NID1: variants seen among roughly 807,000 people sequenced by gnomAD.
The protein encoded by NID1 is nidogen-1.
In NID1, 76 loss-of-function variants were observed where a neutral mutation model predicts 130.6. The observed-to-expected ratio is 0.58, with a 90% confidence interval of 0.48 to 0.70. The LOEUF (loss-of-function observed/expected upper bound fraction) is 0.70. Among genes scored for constraint, NID1 ranks in the 30% least tolerant of loss-of-function variants. The pLI is 0.00. For synonymous variants in NID1, 665 were observed against 675.1 expected (o/e 0.98, Z 0.23); for missense variants, 1,517 against 1,664.8 (o/e 0.91, Z 1.54).
chr1:235,993,529 C>G, intron 13 of NID1, 116 bp downstream of exon 13: 1 of 936,324 alleles, frequency 1.1e-6, no homozygotes, highest in Non-Finnish European at 1.5e-6. Flanking sequence ...GGGGCTGGAG[C>G]CAGTGGAACA....
intron 9 of NID1, among the ~76,000 whole-genome samples, chr1:236,020,815 G>A (rs539794687): frequency 5.3e-5 from 8 of 152,274 alleles, no homozygotes; most frequent in Non-Finnish European, 7.4e-5. Context: ...GAATACACTC[G>A]CATTCCACGG....
At chr1:236,040,067 T>C (rs1164917556) in intron 4 of NID1, among the ~76,000 whole-genome samples, 1 of 152,174 alleles carries the variant, frequency 6.6e-6, no homozygotes, top group East Asian at 1.9e-4. Context: ...CTGCCCCAAG[T>C]TGTTGGGCTG....
intron 1 of NID1, among the ~76,000 whole-genome samples, chr1:236,051,706 G>T (rs568012212): frequency 6.6e-6 from 1 of 152,338 alleles, no homozygotes; most frequent in South Asian, 2.1e-4. Context: ...TGCCGTGTGG[G>T]AGCGTGGGAA....
chr1:236,061,939 G>A (rs1438801951), intron 1 of NID1, among the ~76,000 whole-genome samples: 1 of 152,178 alleles, frequency 6.6e-6, no homozygotes, highest in African/African-American at 2.4e-5. Context: ...TGTTGGTGAG[G>A]ACGTCGAGAA....
chr1:235,993,337 G>A (rs1657814044), intron 13 of NID1, among the ~76,000 whole-genome samples: 2 of 152,160 alleles, frequency 1.3e-5, no homozygotes, highest in South Asian at 2.1e-4. Flanking sequence ...ACACACAGCC[G>A]CTCTGCTACC....
chr1:236,058,296 T>A (rs1227269579), intron 1 of NID1, among the ~76,000 whole-genome samples: 1 of 152,216 alleles, frequency 6.6e-6, no homozygotes, highest in Non-Finnish European at 1.5e-5. Context: ...TTCAGCTCAC[T>A]ATGTGGCTAG....
At chr1:236,001,675 T>A (rs1241772295) in intron 12 of NID1, among the ~76,000 whole-genome samples, 1 of 152,162 alleles carries the variant, frequency 6.6e-6, no homozygotes, top group African/African-American at 2.4e-5. Context: ...ACCCCCATTC[T>A]CACAGGGCTA....
At chr1:235,978,438 G>A (rs1657337653) in intron 19 of NID1, among the ~76,000 whole-genome samples, 1 of 152,202 alleles carries the variant, frequency 6.6e-6, no homozygotes, top group South Asian at 2.1e-4. Context: ...GGGCCAGGCT[G>A]CCTGGACTTG....
chr1:236,061,353 C>T (rs770122457), intron 1 of NID1, among the ~76,000 whole-genome samples: 3 of 152,214 alleles, frequency 2.0e-5, no homozygotes, highest in Non-Finnish European at 2.9e-5. Flanking sequence ...ATCTCCTTAA[C>T]ACCAGGTATT....
At chr1:235,985,192 C>CA (rs35290130) in intron 15 of NID1, among the ~76,000 whole-genome samples, 187 bp downstream of exon 15, 87 of 122,304 alleles carry the variant, frequency 7.1e-4, no homozygotes, top group South Asian at 7.5e-4. Context: ...GACTCTGTCT[C>CA]AAAAAAAAAA....
chr1:236,035,544 T>C (rs1659230533), intron 5 of NID1, among the ~76,000 whole-genome samples: 2 of 148,970 alleles, frequency 1.3e-5, no homozygotes, highest in African/African-American at 2.5e-5. Context: ...GTATTTCTAG[T>C]TCTAGATCCC....
At chr1:236,056,250 G>A (rs1039483736) in intron 1 of NID1, among the ~76,000 whole-genome samples, 1 of 152,166 alleles carries the variant, frequency 6.6e-6, no homozygotes, top group Admixed American at 6.5e-5. Context: ...TTTTGGACAT[G>A]ACACCAAAAG....
At chr1:236,026,269 A>G in intron 7 of NID1, 128 bp from the exon 8 acceptor site, 1 of 1,128,934 alleles carries the variant, frequency 8.9e-7, no homozygotes, top group Non-Finnish European at 1.3e-6. Flanking sequence ...CTACCAGATG[A>G]CAGACCAGAC....
intron 1 of NID1, among the ~76,000 whole-genome samples, chr1:236,049,913 C>G (rs1230705867): frequency 6.6e-6 from 1 of 151,776 alleles, no homozygotes; most frequent in East Asian, 1.9e-4. Flanking sequence ...TGGCGGGCAC[C>G]AAATCCCAGC....
At chr1:236,046,098 G>A (rs2102843547) in intron 2 of NID1, among the ~76,000 whole-genome samples, 1 of 152,218 alleles carries the variant, frequency 6.6e-6, no homozygotes. Context: ...CCGTACAGTA[G>A]AAAAAACAAA....
chr1:235,978,162 T>C (rs1311727353), intron 19 of NID1, among the ~76,000 whole-genome samples, 174 bp from the exon 20 acceptor site: 1 of 152,204 alleles, frequency 6.6e-6, no homozygotes, highest in East Asian at 1.9e-4. Flanking sequence ...AGCTGATCCA[T>C]TGTTTGTTTT....
chr1:236,001,257 C>T (rs559878073), intron 12 of NID1, among the ~76,000 whole-genome samples: 2 of 152,242 alleles, frequency 1.3e-5, no homozygotes, highest in East Asian at 3.9e-4. Context: ...AGGCGCCTGC[C>T]ACTGCGCCCA....
At chr1:236,018,371 A>G (rs1658661931) in intron 9 of NID1, among the ~76,000 whole-genome samples, 1 of 152,224 alleles carries the variant, frequency 6.6e-6, no homozygotes, top group Non-Finnish European at 1.5e-5. Flanking sequence ...GAAGCACCCA[A>G]CAATGTTCCA....
intron 5 of NID1, among the ~76,000 whole-genome samples, chr1:236,037,384 G>A (rs60412759): frequency 0.037 from 5,691 of 152,248 alleles, 303 homozygotes; most frequent in African/African-American, 0.11. Flanking sequence ...CTGGCTGGGC[G>A]CGCTGGCTCA....
Sources: allele counts gnomAD v4.1 joint callset (sites outside exome capture counted in the v4.1 genomes callset), GRCh38; gene constraint gnomAD v4.1.1; transcripts MANE v1.5; gene names NCBI Gene and HGNC (gene_info 2026-07-23, HGNC 2026-07-21).